The following LARGE1 variants were observed in gnomAD, a reference collection of about 807,000 sequenced individuals.
LARGE1 encodes the protein LARGE xylosyl- and glucuronyltransferase 1, also known as xylosyl- and glucuronyltransferase LARGE1.
LARGE1 carries 43 observed loss-of-function variants against 87.6 expected under a neutral mutation model. That is an observed-to-expected ratio of 0.49 (90% confidence interval 0.38 to 0.63). The LOEUF (loss-of-function observed/expected upper bound fraction) is 0.63. LARGE1 is among the 30% of genes least tolerant of loss of function. The probability of loss-of-function intolerance (pLI) is 0.00; values close to 1 mark genes in which losing one functional copy is unlikely to be tolerated. For missense variants in LARGE1, 802 were observed against 1,000.2 expected (o/e 0.80, Z 2.67); for synonymous variants, 434 against 394.6 (o/e 1.10, Z -1.18).
intron 9 of LARGE1, among the ~76,000 whole-genome samples, chr22:33,346,297 T>C (rs1362705532): frequency 4.1e-5 from 6 of 144,600 alleles, no homozygotes; most frequent in East Asian, 2.0e-4. Context: ...TCCTCCTCCT[T>C]CTTCTTTTTC....
At chr22:33,378,537 C>T (rs907944772) in intron 9 of LARGE1, among the ~76,000 whole-genome samples, 1 of 152,130 alleles carries the variant, frequency 6.6e-6, no homozygotes, top group Admixed American at 6.5e-5. Flanking sequence ...GGCCTATTGT[C>T]CCTCTGTATC....
chr22:33,179,765 G>A (rs538746682), intron 11 of LARGE1, among the ~76,000 whole-genome samples: 6 of 152,288 alleles, frequency 3.9e-5, no homozygotes, highest in Admixed American at 2.0e-4. Flanking sequence ...TATGGAAAGG[G>A]TGGGCAGGTT....
At chr22:33,791,225 C>T (rs1028151889) in intron 1 of LARGE1, among the ~76,000 whole-genome samples, 9 of 152,066 alleles carry the variant, frequency 5.9e-5, no homozygotes, top group Non-Finnish European at 1.3e-4. Context: ...AAACTTTCCC[C>T]AGGAAGTTTA....
chr22:33,337,320 A>G (rs1232576225), intron 10 of LARGE1, among the ~76,000 whole-genome samples: 2 of 152,090 alleles, frequency 1.3e-5, no homozygotes, highest in Non-Finnish European at 2.9e-5. Flanking sequence ...TGTCCACAAA[A>G]ACATTGGTGT....
At chr22:33,810,378 T>C (rs75286461) in intron 1 of LARGE1, among the ~76,000 whole-genome samples, 2,790 of 152,240 alleles carry the variant, frequency 0.018, 74 homozygotes, top group African/African-American at 0.063. Flanking sequence ...AATCTCCCTC[T>C]TGACTCCCCA....
At chr22:33,527,239 A>G (rs1482040359) in intron 6 of LARGE1, among the ~76,000 whole-genome samples, 1 of 152,244 alleles carries the variant, frequency 6.6e-6, no homozygotes, top group Non-Finnish European at 1.5e-5. Context: ...CTGGGCAACA[A>G]GAGCAAAACT....
chr22:33,179,215 A>C (rs1923036333), intron 11 of LARGE1, among the ~76,000 whole-genome samples: 1 of 152,244 alleles, frequency 6.6e-6, no homozygotes, highest in South Asian at 2.1e-4. Flanking sequence ...TTCAAACCAT[A>C]GCAATCCACA....
chr22:33,825,299 G>C (rs1017553653), intron 1 of LARGE1, among the ~76,000 whole-genome samples: 38 of 151,964 alleles, frequency 2.5e-4, no homozygotes, highest in African/African-American at 8.7e-4. Context: ...TGGGGTATTA[G>C]TCTGTTCTCA....
At chr22:33,765,174 A>G (rs1474433053) in intron 1 of LARGE1, among the ~76,000 whole-genome samples, 2 of 152,158 alleles carry the variant, frequency 1.3e-5, no homozygotes, top group Admixed American at 6.5e-5. Context: ...ATTAAGGCCT[A>G]GAGAGATTAA....
intron 6 of LARGE1, among the ~76,000 whole-genome samples, chr22:33,439,016 G>C (rs147100361): frequency 0.011 from 1,631 of 152,086 alleles, 16 homozygotes; most frequent in Non-Finnish European, 0.015. Flanking sequence ...TTCAAGACCA[G>C]CCTGGCCAAC....
intron 1 of LARGE1, among the ~76,000 whole-genome samples, chr22:33,823,260 CTGTGTGTGTGTA>C (rs1316083609): frequency 6.6e-6 from 1 of 152,122 alleles, no homozygotes; most frequent in East Asian, 1.9e-4. Flanking sequence ...GGCTGTGTGT[CTGTGTGTGTGTA>C]TGTACACATG....
At chr22:33,218,077 C>T (rs2146250330) in intron 11 of LARGE1, among the ~76,000 whole-genome samples, 1 of 152,070 alleles carries the variant, frequency 6.6e-6, no homozygotes, top group Non-Finnish European at 1.5e-5. Flanking sequence ...TTACAGGTGC[C>T]TGCCACCATG....
intron 2 of LARGE1, among the ~76,000 whole-genome samples, chr22:33,654,003 C>A (rs985181913): frequency 2.6e-5 from 4 of 152,130 alleles, no homozygotes; most frequent in African/African-American, 9.7e-5. Context: ...TAAACATTTA[C>A]GTAAATTATG....
intron 10 of LARGE1, among the ~76,000 whole-genome samples, chr22:33,320,458 G>A (rs1432749912): frequency 6.6e-6 from 1 of 152,164 alleles, no homozygotes; most frequent in African/African-American, 2.4e-5. Context: ...AGAGCACTCA[G>A]TTCGTAACTC....
Position 33,490,628 on chromosome 22 carries a change from A to G in LARGE1, c.788-58363T>C, listed in dbSNP as rs546972722. On this transcript the variant is annotated intron_variant, in intron 6 of 14. Coordinates refer to ENST00000397394, the MANE Select transcript of LARGE1 (RefSeq NM_133642.5). ...CCAACTAGAGTCAGATCAATCTGATAGTGGATGCCATAGTACCTGGGAATC... is the reference window on the plus strand; with the variant it reads ...CCAACTAGAGTCAGATCAATCTGATGGTGGATGCCATAGTACCTGGGAATC... Among the ~76,000 whole-genome samples the G allele has an allele frequency of 3.9e-5, 6 of 152,344 alleles. No individual in the cohort carries two copies. In the South Asian group the frequency reaches 6.2e-4, roughly 16 times the overall value.
intron 2 of LARGE1, among the ~76,000 whole-genome samples, chr22:33,738,491 T>G (rs186138362): frequency 1.3e-5 from 2 of 152,144 alleles, no homozygotes; most frequent in African/African-American, 2.4e-5. Flanking sequence ...GAAGGGGGAA[T>G]AGTGTCCATC....
At chr22:33,210,578 G>A (rs190767731) in intron 11 of LARGE1, among the ~76,000 whole-genome samples, 45 of 152,312 alleles carry the variant, frequency 3.0e-4, no homozygotes, top group African/African-American at 1.1e-3. Flanking sequence ...CACCAGGCCC[G>A]CTGCTATGGT....
chr22:33,473,398 G>A (rs1425740727), intron 6 of LARGE1, among the ~76,000 whole-genome samples: 1 of 151,960 alleles, frequency 6.6e-6, no homozygotes, highest in Non-Finnish European at 1.5e-5. Context: ...TGCTCAGACT[G>A]AAGTGCAGTG....
chr22:33,332,414 T>G (rs1211852849), intron 10 of LARGE1, among the ~76,000 whole-genome samples: 5 of 152,212 alleles, frequency 3.3e-5, no homozygotes, highest in Non-Finnish European at 4.4e-5. Context: ...GTGAGTCAAT[T>G]AAACCTCTTT....
Sources: gnomAD v4.1 joint callset for allele counts (sites outside exome capture counted in the v4.1 genomes callset) on GRCh38, gnomAD v4.1.1 for gene constraint, MANE v1.5 for transcripts, NCBI Gene and HGNC (gene_info 2026-07-23, HGNC 2026-07-21) for gene names.